Variants in GCFC2 observed in about 807,000 individuals in gnomAD.
GCFC2 encodes intron Large complex component GCFC2.
Under a neutral mutation model 99.4 loss-of-function variants are expected in GCFC2, and 102 were observed. The ratio of observed to expected loss-of-function variants is 1.03; its 90% CI spans 0.87 to 1.21. The LOEUF is 1.21. GCFC2 is among the 50% of genes most tolerant of loss of function. The pLI is 0.00. For synonymous variants in GCFC2, 338 were observed against 316.8 expected, an observed-to-expected ratio of 1.07 and a Z score of -0.71; for missense variants, 973 against 920.9, an observed-to-expected ratio of 1.06 and a Z score of -0.73.
At chr2:75,673,028 T>G (rs1679176747) in intron 13 of GCFC2, among the ~76,000 whole-genome samples, 1 of 152,164 alleles carries the variant, frequency 6.6e-6, no homozygotes, top group African/African-American at 2.4e-5. Flanking sequence ...ACACTATAGT[T>G]GGCCGGGCGC....
chr2:75,711,297 C>A, upstream of GCFC2: 1 of 784,658 alleles, frequency 1.3e-6, no homozygotes, highest in Non-Finnish European at 1.5e-6. Context: ...AACGAAACCC[C>A]AGCAGTGTGA....
chr2:75,708,501 C>CTTTTTT (rs34414596), intron 1 of GCFC2, among the ~76,000 whole-genome samples: 6 of 78,644 alleles, frequency 7.6e-5, no homozygotes, highest in South Asian at 5.5e-4. Context: ...CATTTGGCAA[C>CTTTTTT]TTTTTTTTTT....
chr2:75,684,242 C>T (rs977302786), intron 11 of GCFC2, among the ~76,000 whole-genome samples: 1 of 152,180 alleles, frequency 6.6e-6, no homozygotes, highest in Admixed American at 6.5e-5. Flanking sequence ...AAACACTCCT[C>T]AGCAAATGCA....
intron 2 of GCFC2, among the ~76,000 whole-genome samples, chr2:75,705,420 G>A (rs896152067): frequency 5.9e-5 from 9 of 151,628 alleles, no homozygotes; most frequent in African/African-American, 1.7e-4. Flanking sequence ...TCAGGAGATC[G>A]AGACCATCTT....
chr2:75,695,809 G>A (rs984385384), intron 5 of GCFC2, among the ~76,000 whole-genome samples: 1 of 152,176 alleles, frequency 6.6e-6, no homozygotes, highest in African/African-American at 2.4e-5. Context: ...ACAGGCTGCT[G>A]GCTTACAGAG....
At chr2:75,698,922 G>C (rs1456731429) in intron 4 of GCFC2, among the ~76,000 whole-genome samples, 1 of 151,068 alleles carries the variant, frequency 6.6e-6, no homozygotes, top group African/African-American at 2.4e-5. Flanking sequence ...TGAGGCATGA[G>C]AATTGCTTGA....
intron 13 of GCFC2, among the ~76,000 whole-genome samples, chr2:75,673,126 T>A (rs566442141): frequency 5.9e-5 from 9 of 151,742 alleles, no homozygotes; most frequent in African/African-American, 1.7e-4. Flanking sequence ...CTGGCTAACA[T>A]GGTGAAACCC....
chr2:75,709,011 GTCT>G (rs1413920971), intron 1 of GCFC2, among the ~76,000 whole-genome samples: 2 of 152,134 alleles, frequency 1.3e-5, no homozygotes, highest in African/African-American at 4.8e-5. Context: ...CAATTCATCT[GTCT>G]TCTATTAATA....
chr2:75,699,947 C>A (rs1680506891), intron 4 of GCFC2, among the ~76,000 whole-genome samples: 1 of 150,878 alleles, frequency 6.6e-6, no homozygotes. Flanking sequence ...GTCACCCACG[C>A]TGAAGCGCAG....
chr2:75,675,848 T>C (rs1209367427), intron 12 of GCFC2, among the ~76,000 whole-genome samples: 1 of 152,136 alleles, frequency 6.6e-6, no homozygotes, highest in Non-Finnish European at 1.5e-5. Flanking sequence ...CATCATTTGT[T>C]TGATGGAAAA....
Position 75,689,046 on chromosome 2 carries a change from T to A in GCFC2, c.1519A>T (p.Ile507Phe). The A allele has an allele frequency of 2.6e-6, 4 of 1,563,350 alleles. No homozygotes were observed. The highest frequency in any genetic ancestry group is 3.5e-6 in the Non-Finnish European group (4 of 1,141,324). ...LLNPLIRVQL[I>F]DWNPLKLEST... ...AATACCTTAAGAGGATTCCAATCAATCAACTGAACTCGTATTAGGGGATTT... is the reference window on the plus strand; with the variant it reads ...AATACCTTAAGAGGATTCCAATCAAACAACTGAACTCGTATTAGGGGATTT... The change falls in exon 10 of 17, where the codon ATT becomes TTT. Residue 507 changes from isoleucine (I) to phenylalanine (F), a missense_variant. Physicochemically the swap from Ile to Phe is conservative, Grantham distance 21. Coordinates refer to ENST00000321027, the MANE Select transcript of GCFC2 (RefSeq NM_003203.5).
chr2:75,712,622 A>G (rs1461756000), upstream of GCFC2, among the ~76,000 whole-genome samples: 2 of 152,136 alleles, frequency 1.3e-5, no homozygotes, highest in East Asian at 3.9e-4. Context: ...GCTCTTTGCA[A>G]TAAATCTTGC....
intron 6 of GCFC2, among the ~76,000 whole-genome samples, chr2:75,692,416 G>T (rs1299018070): frequency 6.6e-6 from 1 of 152,080 alleles, no homozygotes; most frequent in African/African-American, 2.4e-5. Context: ...ACTTTGGGAG[G>T]TGGGTAGATC....
At chr2:75,682,497 GT>G (rs1256566828) in intron 11 of GCFC2, among the ~76,000 whole-genome samples, 1 of 151,808 alleles carries the variant, frequency 6.6e-6, no homozygotes, top group Non-Finnish European at 1.5e-5. Context: ...GGAGAAACCA[GT>G]GCAAAAAGGC....
chr2:75,680,632 CCT>C (rs139736922), intron 11 of GCFC2, among the ~76,000 whole-genome samples: 11 of 150,070 alleles, frequency 7.3e-5, no homozygotes, highest in Non-Finnish European at 8.9e-5. Flanking sequence ...CTTGAGTGAG[CCT>C]CTCTCTCTCT....
At chr2:75,694,703 T>G (rs542694917) in intron 5 of GCFC2, among the ~76,000 whole-genome samples, 4 of 152,278 alleles carry the variant, frequency 2.6e-5, no homozygotes, top group Non-Finnish European at 5.9e-5. Context: ...AAGATAATAA[T>G]GTATAGTAGG....
chr2:75,674,690 A>G (rs571801138), intron 12 of GCFC2, among the ~76,000 whole-genome samples: 1 of 152,166 alleles, frequency 6.6e-6, no homozygotes, highest in Non-Finnish European at 1.5e-5. Context: ...TTTTAAGTCA[A>G]TGACAATGTA....
intron 4 of GCFC2, among the ~76,000 whole-genome samples, chr2:75,699,533 T>C (rs950760786): frequency 6.6e-6 from 1 of 152,182 alleles, no homozygotes; most frequent in African/African-American, 2.4e-5. Context: ...ATTTGTTATG[T>C]TTCAAAGCTC....
chr2:75,668,924 A>G (rs978436544), intron 15 of GCFC2, among the ~76,000 whole-genome samples: 3 of 152,146 alleles, frequency 2.0e-5, no homozygotes, highest in African/African-American at 7.2e-5. Context: ...CACTGCATAC[A>G]GTGAATGGTG....
Sources: gnomAD v4.1 joint callset for allele counts (sites outside exome capture counted in the v4.1 genomes callset) on GRCh38, gnomAD v4.1.1 for gene constraint, MANE v1.5 for transcripts, NCBI Gene and HGNC (gene_info 2026-07-23, HGNC 2026-07-21) for gene names.